The following SYMPK variants were observed in gnomAD, a reference collection of about 807,000 sequenced individuals.
The protein encoded by SYMPK is symplekin.
Under a neutral mutation model 136.4 loss-of-function variants are expected in SYMPK, and 49 were observed. The observed-to-expected ratio is 0.36, with a 90% confidence interval of 0.29 to 0.46. The LOEUF is 0.46. SYMPK is among the 20% of genes least tolerant of loss of function. The pLI, the probability that SYMPK is intolerant of heterozygous loss-of-function variation, is 1.00. For synonymous variants in SYMPK, 766 were observed against 713.0 expected (o/e 1.07, Z -1.19); for missense variants, 1,365 against 1,690.0 (o/e 0.81, Z 3.37).
chr19:45,854,609 C>T, intron 1 of SYMPK, 102 bp from the exon 2 acceptor site: 3 of 911,442 alleles, frequency 3.3e-6, no homozygotes, highest in Non-Finnish European at 5.1e-6. Context: ...AAGCCTCCTT[C>T]CCAGGCTGTT....
chr19:45,829,905 G>A (rs1971128447), intron 13 of SYMPK, 149 bp downstream of exon 13: 1 of 868,040 alleles, frequency 1.2e-6, no homozygotes, highest in African/African-American at 1.7e-5. Flanking sequence ...ATGGAGGATG[G>A]GAGTGATCTG....
Position 45,852,292 on chromosome 19 carries a change from C to T in SYMPK, c.299+20G>A. ...GCCACCAGTGAGAATGCTCCCGGGGCTCCGTGCCTCGCCCCATACCATGCC... is the reference window on the plus strand; with the variant it reads ...GCCACCAGTGAGAATGCTCCCGGGGTTCCGTGCCTCGCCCCATACCATGCC... On this transcript the variant is annotated intron_variant, in intron 5 of 26. Transcript: ENST00000245934. The T allele has an allele frequency of 1.2e-6, 2 of 1,614,154 alleles. No individual in the cohort carries two copies. The highest frequency in any genetic ancestry group is 4.5e-5 in the East Asian group (2 of 44,888).
chr19:45,848,775 G>C lies in SYMPK; in HGVS notation c.401C>G (p.Thr134Ser), dbSNP rs1489114200. Residue 134 changes from threonine (T) to serine (S), a missense_variant, in exon 6 of 27, where the codon ACC becomes AGC. By Grantham distance (58) the Thr-to-Ser change is moderately conservative. Around this residue, in one of 11 missense-constraint regions of SYMPK, gnomAD observed 237 missense variants for 292.9 expected, o/e 0.81. Coordinates refer to ENST00000245934, the MANE Select transcript of SYMPK (RefSeq NM_004819.3). The part of the protein sequence containing the change: ...NVVKKAILTM[T>S]QLYKVALQWM... ...CTGCAGGGCCACCTTGTAGAGCTGG[G>C]TCATGGTGAGGATAGCCTTCTTCAC... 1 of 1,613,858 alleles carries C rather than the reference G, an allele frequency of 6.2e-7. No homozygotes were observed. Among genetic ancestry groups the C allele is most frequent in the Admixed American group, 1.7e-5 (1 of 60,024 alleles).
chr19:45,849,303 C>T (rs1296884510), intron 5 of SYMPK, among the ~76,000 whole-genome samples: 1 of 152,178 alleles, frequency 6.6e-6, no homozygotes, highest in Non-Finnish European at 1.5e-5. Context: ...TAAACACCAG[C>T]CATTGCTACT....
intron 22 of SYMPK, 107 bp from the exon 23 acceptor site, chr19:45,818,253 C>T: frequency 1.7e-6 from 2 of 1,207,714 alleles, no homozygotes; most frequent in Non-Finnish European, 2.2e-6. Flanking sequence ...ACTTCTAAAG[C>T]CCTGACTTCT....
chr19:45,822,928 G>A (rs1288387412), intron 20 of SYMPK, 82 bp from the exon 21 acceptor site: 39 of 1,182,080 alleles, frequency 3.3e-5, no homozygotes, highest in East Asian at 3.2e-4. Flanking sequence ...CCTTCTGCTC[G>A]CCCTGGGGAG....
chr19:45,825,158 T>C lies in SYMPK; in HGVS notation c.2490+13A>G. On this transcript the variant is annotated intron_variant, in intron 18 of 26. Transcript: ENST00000245934. ...CGTGGGTGGGCAGGGCCTGGTGGGC[T>C]CAGGGGCCTCACCGGCTGCTCAATG... 1 of 1,609,968 alleles carries C rather than the reference T, an allele frequency of 6.2e-7. No homozygotes were observed. The highest frequency in any genetic ancestry group is 8.5e-7 in the Non-Finnish European group (1 of 1,178,268).
chr19:45,860,498 G>T (rs200360080), intron 1 of SYMPK, among the ~76,000 whole-genome samples: 19,887 of 130,408 alleles, frequency 0.15, 1,386 homozygotes, highest in South Asian at 0.2. Context: ...CACACACAGA[G>T]AGAGAAAGAG....
rs1369511693 is a variant in SYMPK at position 45,838,625 on chromosome 19, G to A, written c.1088-10C>T. On this transcript the variant is annotated splice_polypyrimidine_tract_variant and intron_variant, in intron 9 of 26. Coordinates refer to ENST00000245934, the MANE Select transcript of SYMPK (RefSeq NM_004819.3). The stretch of plus-strand genomic sequence containing the variant: ...TCCCCCAGGTTGGGCTCTGGGATGA[G>A]GGAAAAGAACAAGATGCTGGCTATA... The A allele has an allele frequency of 1.7e-5, 27 of 1,611,992 alleles. No homozygotes were observed. Among genetic ancestry groups the A allele is most frequent in the Non-Finnish European group, 2.3e-5 (27 of 1,178,692 alleles).
chr19:45,828,495 A>G (rs1421761541), intron 14 of SYMPK: 2 of 178,570 alleles, frequency 1.1e-5, no homozygotes, highest in African/African-American at 4.8e-5. Flanking sequence ...ATGGAGAACC[A>G]TGGAAGGTTC....
intron 11 of SYMPK, among the ~76,000 whole-genome samples, chr19:45,833,926 C>T (rs571819005): frequency 3.3e-5 from 5 of 151,910 alleles, no homozygotes; most frequent in African/African-American, 1.2e-4. Context: ...CCAAGGTGGG[C>T]GGATCACAAG....
At position 45,857,649 on chromosome 19, in the gene SYMPK, G is replaced by A. The variant is rs569196145; in HGVS notation, c.-12-3142C>T. Reference sequence around the variant, plus strand: ...TGGGACTACAGGCGCCTGCCACCACGCCCGGCTAATTTTTTGTATTTTTAG... The same window carrying A: ...TGGGACTACAGGCGCCTGCCACCACACCCGGCTAATTTTTTGTATTTTTAG... On this transcript the variant is annotated intron_variant, in intron 1 of 26. Transcript: ENST00000245934. 3.7e-3 allele frequency among the ~76,000 whole-genome samples: 555 copies of A among 150,230 alleles called. 1 individual carries two copies. The highest frequency in any genetic ancestry group is 0.01 in the Middle Eastern group (3 of 290).
chr19:45,822,264 G>A (rs1051157973), intron 21 of SYMPK, among the ~76,000 whole-genome samples: 52 of 151,980 alleles, frequency 3.4e-4, no homozygotes, highest in Non-Finnish European at 6.3e-4. Context: ...GACTACAGGC[G>A]CCCGCCACCA....
intron 7 of SYMPK, among the ~76,000 whole-genome samples, chr19:45,846,325 T>C (rs1051994842): frequency 1.3e-5 from 2 of 152,248 alleles, no homozygotes; most frequent in Admixed American, 1.3e-4. Flanking sequence ...GAATATGGTA[T>C]AGCAACTATA....
intron 12 of SYMPK, 109 bp from the exon 13 acceptor site, chr19:45,830,313 T>TC: frequency 8.0e-7 from 1 of 1,244,916 alleles, no homozygotes; most frequent in Non-Finnish European, 1.1e-6. Flanking sequence ...ATGGCCCCCA[T>TC]CCCCCTGCTG....
intron 12 of SYMPK, chr19:45,831,101 A>G (rs1205517787): frequency 3.5e-6 from 1 of 286,706 alleles, no homozygotes; most frequent in African/African-American, 2.2e-5. Context: ...ACCACGAACT[A>G]ATTTAATTCT....
At chr19:45,856,034 A>C (rs1036727807) in intron 1 of SYMPK, among the ~76,000 whole-genome samples, 1 of 151,952 alleles carries the variant, frequency 6.6e-6, no homozygotes, top group African/African-American at 2.4e-5. Context: ...GGATAAACCA[A>C]AAACCAGCAG....
At chr19:45,818,415 T>C (rs1434979574) in intron 22 of SYMPK, among the ~76,000 whole-genome samples, 5 of 152,126 alleles carry the variant, frequency 3.3e-5, no homozygotes, top group Admixed American at 6.5e-5. Flanking sequence ...CCGTGGCCCC[T>C]CACTTTAAGG....
At chr19:45,858,721 G>C (rs1010226105) in intron 1 of SYMPK, among the ~76,000 whole-genome samples, 2 of 152,006 alleles carry the variant, frequency 1.3e-5, no homozygotes, top group African/African-American at 2.4e-5. Context: ...CTCCATGTTG[G>C]TCAGGCTGAT....
Sources: allele counts gnomAD v4.1 joint callset (sites outside exome capture counted in the v4.1 genomes callset), GRCh38; gene constraint gnomAD v4.1.1; regional missense constraint gnomAD v4.1.1; transcripts MANE v1.5; gene names NCBI Gene and HGNC (gene_info 2026-07-23, HGNC 2026-07-21).